Variants in SLC2A13 observed in about 807,000 individuals in gnomAD.
SLC2A13 encodes proton myo-inositol cotransporter.
A neutral mutation model predicts 64.4 loss-of-function variants in SLC2A13; 32 were observed. The observed-to-expected ratio is 0.50, with a 90% CI of 0.37 to 0.67. The LOEUF (loss-of-function observed/expected upper bound fraction) is 0.67, where lower values mean the gene tolerates loss of function less well. SLC2A13 is among the 30% of genes least tolerant of loss of function. The probability of loss-of-function intolerance (pLI) is 0.00; values close to 1 mark genes in which losing one functional copy is unlikely to be tolerated. For synonymous variants in SLC2A13, 338 were observed against 327.1 expected (o/e 1.03, Z -0.36); for missense variants, 743 against 829.2 (o/e 0.90, Z 1.28).
intron 4 of SLC2A13, among the ~76,000 whole-genome samples, chr12:39,924,106 C>A (rs1013444351): frequency 2.0e-5 from 3 of 151,996 alleles, no homozygotes; most frequent in Non-Finnish European, 2.9e-5. Context: ...TTTCATTTAT[C>A]TTTTGAATGT....
At chr12:40,023,696 A>C (rs1328240794) in intron 3 of SLC2A13, among the ~76,000 whole-genome samples, 3 of 152,150 alleles carry the variant, frequency 2.0e-5, no homozygotes, top group African/African-American at 7.2e-5. Flanking sequence ...ATGACTTCTC[A>C]TCTCTAGTGA....
At chr12:39,806,874 A>G (rs1456621729) in intron 7 of SLC2A13, among the ~76,000 whole-genome samples, 8 of 152,172 alleles carry the variant, frequency 5.3e-5, no homozygotes, top group Non-Finnish European at 1.5e-5. Flanking sequence ...TATTCATACT[A>G]TACAATACTA....
At chr12:40,086,706 C>T (rs1055418901) in intron 1 of SLC2A13, among the ~76,000 whole-genome samples, 5 of 152,174 alleles carry the variant, frequency 3.3e-5, no homozygotes, top group African/African-American at 4.8e-5. Context: ...AGCTGAATGA[C>T]AAGGAAGAAC....
intron 7 of SLC2A13, among the ~76,000 whole-genome samples, chr12:39,775,201 TAC>T (rs1430112780): frequency 6.6e-6 from 1 of 152,224 alleles, no homozygotes; most frequent in East Asian, 1.9e-4. Context: ...GCAATTAAGG[TAC>T]AACTGAATAA....
At chr12:39,926,495 T>C (rs56717977) in intron 4 of SLC2A13, among the ~76,000 whole-genome samples, 10,715 of 152,306 alleles carry the variant, frequency 0.07, 605 homozygotes, top group East Asian at 0.31. Flanking sequence ...TGACAGCGTA[T>C]TGTAAGCTGC....
intron 1 of SLC2A13, among the ~76,000 whole-genome samples, chr12:40,099,921 C>T (rs1939089841): frequency 6.6e-6 from 1 of 151,954 alleles, no homozygotes; most frequent in Non-Finnish European, 1.5e-5. Context: ...AATTTGAGCA[C>T]CTCCCCCCAA....
intron 3 of SLC2A13, among the ~76,000 whole-genome samples, chr12:39,983,834 T>C (rs1048539564): frequency 2.1e-5 from 3 of 140,246 alleles, no homozygotes; most frequent in Admixed American, 7.4e-5. Context: ...ACTGGGTATA[T>C]ACCCAAATGA....
intron 4 of SLC2A13, among the ~76,000 whole-genome samples, chr12:39,897,497 C>T (rs887280467): frequency 1.4e-4 from 22 of 152,170 alleles, no homozygotes; most frequent in African/African-American, 5.3e-4. Flanking sequence ...TGGACTACAA[C>T]TTCTAATTCA....
chr12:40,010,541 C>T (rs79951428), intron 3 of SLC2A13, among the ~76,000 whole-genome samples: 6,740 of 152,118 alleles, frequency 0.044, 217 homozygotes, highest in Middle Eastern at 0.065. Context: ...ATAAATAATA[C>T]TGAAAACTTA....
intron 3 of SLC2A13, among the ~76,000 whole-genome samples, chr12:39,971,997 A>AAT (rs71078206): frequency 3.2e-4 from 25 of 77,378 alleles, no homozygotes; most frequent in African/African-American, 1.1e-3. Flanking sequence ...AAAAAAAAAA[A>AAT]ATATATATAT....
At chr12:40,035,940 G>GTT (rs1233172425) in intron 2 of SLC2A13, among the ~76,000 whole-genome samples, 2 of 152,168 alleles carry the variant, frequency 1.3e-5, no homozygotes, top group East Asian at 3.8e-4. Flanking sequence ...GGTAAAATAC[G>GTT]TTAAGACCTG....
intron 7 of SLC2A13, among the ~76,000 whole-genome samples, chr12:39,786,823 TTCCTC>T (rs1331928239): frequency 4.6e-5 from 7 of 152,210 alleles, no homozygotes; most frequent in African/African-American, 1.4e-4. Flanking sequence ...CAATGACTGT[TTCCTC>T]TGTGAGACAG....
At chr12:39,871,458 A>G (rs1944051824) in intron 5 of SLC2A13, among the ~76,000 whole-genome samples, 1 of 149,598 alleles carries the variant, frequency 6.7e-6, no homozygotes, top group Non-Finnish European at 1.5e-5. Flanking sequence ...TCTGAATCCA[A>G]AGTTTTTAGT....
intron 1 of SLC2A13, among the ~76,000 whole-genome samples, chr12:40,061,101 C>T (rs1002824599): frequency 4.0e-5 from 6 of 151,846 alleles, no homozygotes; most frequent in Admixed American, 3.9e-4. Flanking sequence ...ATACAACTTC[C>T]AAACTACTTG....
chr12:39,790,122 GTGTTCT>G (rs1227404434), intron 7 of SLC2A13, among the ~76,000 whole-genome samples: 2 of 37,978 alleles, frequency 5.3e-5, no homozygotes, highest in Non-Finnish European at 5.4e-5. Context: ...GCATTCTTTT[GTGTTCT>G]TTTTTTTTTT....
intron 4 of SLC2A13, among the ~76,000 whole-genome samples, chr12:39,878,846 G>T (rs1944266103): frequency 6.6e-6 from 1 of 152,204 alleles, no homozygotes; most frequent in Admixed American, 6.5e-5. Context: ...CCAAGACTAT[G>T]GGAAAAAGTC....
chr12:39,795,175 T>C (rs1941534619), intron 7 of SLC2A13, among the ~76,000 whole-genome samples: 1 of 152,130 alleles, frequency 6.6e-6, no homozygotes, highest in South Asian at 2.1e-4. Flanking sequence ...ACGTCTCTTA[T>C]ATCTTGATCT....
chr12:39,981,053 A>G (rs1946883586), intron 3 of SLC2A13, among the ~76,000 whole-genome samples: 2 of 152,020 alleles, frequency 1.3e-5, no homozygotes, highest in Admixed American at 1.3e-4. Context: ...TGGAAACTGA[A>G]CAGCCTGCTC....
chr12:39,928,855 T>C (rs868653371), intron 4 of SLC2A13, among the ~76,000 whole-genome samples: 38 of 152,302 alleles, frequency 2.5e-4, no homozygotes, highest in African/African-American at 8.9e-4. Flanking sequence ...TGACAGACTC[T>C]GGAAAGTCTT....
Sources: gnomAD v4.1 joint callset for allele counts (sites outside exome capture counted in the v4.1 genomes callset) on GRCh38, gnomAD v4.1.1 for gene constraint, MANE v1.5 for transcripts, NCBI Gene and HGNC (gene_info 2026-07-23, HGNC 2026-07-21) for gene names.